The following ANKRD24 variants were observed in gnomAD, a reference collection of about 807,000 sequenced individuals.
ANKRD24 encodes ankyrin repeat domain-containing protein 24.
Under a neutral mutation model 127.8 loss-of-function variants are expected in ANKRD24, and 109 were observed. The ratio of observed to expected loss-of-function variants is 0.85; its 90% CI spans 0.73 to 1.00. ANKRD24 has a LOEUF of 1.00. ANKRD24 is among the 50% of genes least tolerant of loss of function. The probability of loss-of-function intolerance (pLI) is 0.00; values close to 1 mark genes in which losing one functional copy is unlikely to be tolerated. For missense variants in ANKRD24, 1,648 were observed against 1,570.2 expected (o/e 1.05, Z -0.84); for synonymous variants, 743 against 671.1 (o/e 1.11, Z -1.66).
At chr19:4,192,746 C>T (rs1968455653) in intron 2 of ANKRD24, among the ~76,000 whole-genome samples, 1 of 150,946 alleles carries the variant, frequency 6.6e-6, no homozygotes, top group Non-Finnish European at 1.5e-5. Context: ...GCCTGGGCAA[C>T]ATAGCAAGAC....
rs1219435596 is a variant in ANKRD24, at chr19:4,217,040, C to G, written c.1880C>G (p.Ala627Gly). 1.2e-6 allele frequency: 2 copies of G among 1,613,734 alleles called. No individual in the cohort carries two copies. The highest frequency in any genetic ancestry group is 2.7e-5 in the African/African-American group (2 of 74,888). ...GAAACTAAGCCCACAGGAGCTCAGGCCACAGACACAGAGACCACGGGAGTG... is the reference window on the plus strand; with the variant it reads ...GAAACTAAGCCCACAGGAGCTCAGGGCACAGACACAGAGACCACGGGAGTG... ...NMETKPTGAQ[A>G]TDTETTGVEA... The change falls in exon 18 of 22, where the codon GCC (alanine) becomes GGC (glycine). Residue 627 changes from alanine (A) to glycine (G), a missense_variant. Coordinates refer to ENST00000318934, the MANE Select transcript of ANKRD24 (RefSeq NM_001393985.1).
intron 5 of ANKRD24, 123 bp from the exon 6 acceptor site, chr19:4,201,903 A>G: frequency 2.5e-6 from 2 of 809,496 alleles, no homozygotes; most frequent in Admixed American, 4.2e-5. Flanking sequence ...AAGGAGAGAA[A>G]TACTAGGGTT....
chr19:4,209,063 G>T, intron 11 of ANKRD24: 1 of 406,944 alleles, frequency 2.5e-6, no homozygotes, highest in Non-Finnish European at 4.4e-6. Flanking sequence ...GAGGGTTGGT[G>T]TCTTCGGGGA....
chr19:4,208,881 A>C, intron 11 of ANKRD24, 80 bp downstream of exon 11: 1 of 1,477,604 alleles, frequency 6.8e-7, no homozygotes, highest in Admixed American at 1.9e-5. Flanking sequence ...CTCTGTGAGA[A>C]GAGAAGGAAG....
chr19:4,182,716 A>G lies in ANKRD24; in HGVS notation c.-61A>G. 1 of 1,408,062 alleles carries G rather than the reference A, an allele frequency of 7.1e-7. No homozygotes were observed. The highest frequency in any genetic ancestry group is 9.3e-7 in the Non-Finnish European group (1 of 1,079,368). The allele number at this position is 1,408,062 out of a possible 1,614,324, so 87.2% of individuals were successfully genotyped here. ...AGGCGACATGTTATCTGCTGTCAGA[A>G]GGAAGCCTGCCTCTTTGCATGCAGG... On this transcript the variant is annotated 5_prime_UTR_variant, in exon 1 of 22. Coordinates refer to ENST00000318934, the MANE Select transcript of ANKRD24 (RefSeq NM_001393985.1).
intron 10 of ANKRD24, 52 bp downstream of exon 10, chr19:4,208,020 A>T: frequency 7.1e-7 from 1 of 1,401,254 alleles, no homozygotes; most frequent in East Asian, 2.7e-5. Flanking sequence ...GCTTCTTGTC[A>T]CTCCCCTTCT....
Position 4,210,283 on chromosome 19 carries a change from G to T in ANKRD24, c.970G>T (p.Glu324Ter). The T allele has an allele frequency of 6.3e-7, 1 of 1,588,016 alleles. No individual in the cohort carries two copies. The part of the protein sequence containing the change: ...IPMPDDRDAY[E>*]EIVRLRQERG... ...GGAACAGGATGATCGAGATGCCTAT[G>T]AGGAGATCGTGAGGCTGCGGCAGGA... The change falls in exon 13 of 22, where the codon GAG becomes TAG. Residue 324 changes from glutamate to a stop codon, truncating the protein, a stop_gained. Transcript: ENST00000318934. LOFTEE classifies it high-confidence loss of function.
rs2145293561 is a variant in ANKRD24 at position 4,201,885 on chromosome 19, A to AG, written c.344-138dup. The AG allele has an allele frequency of 5.6e-6, 4 of 710,626 alleles. No homozygotes were observed. In the Admixed American group the frequency reaches 9.4e-5, roughly 17 times the overall value. The allele number at this position is 710,626 out of a possible 1,614,324, so 44.0% of individuals were successfully genotyped here. ...GGCCACAGAGCAAGATCCTTTCTGC[A>AG]GGGAAAAAAGGAGAGAAATACTAGG... On this transcript the variant is annotated intron_variant, in intron 5 of 21. Transcript: ENST00000318934.
rs1339431203 is a variant in ANKRD24 at position 4,198,293 on chromosome 19, C to T, written c.37-1390C>T. On this transcript the variant is annotated intron_variant, in intron 2 of 21. Transcript: ENST00000318934. The surrounding 1 kb of genome is among the most constrained non-coding windows in gnomAD (Gnocchi z 6.1). Reference sequence around the variant, plus strand: ...CTACCTGGGTCTTCCCATTCCATCCCGTGGGGGAGGGGGCTGGCGAGGAGG... The same window carrying T: ...CTACCTGGGTCTTCCCATTCCATCCTGTGGGGGAGGGGGCTGGCGAGGAGG... The T allele has an allele frequency of 1.8e-5, 3 of 163,062 alleles. No homozygotes were observed. Among genetic ancestry groups the T allele is most frequent in the Non-Finnish European group, 3.6e-5 (3 of 83,062 alleles). The allele number at this position is 163,062 out of a possible 1,614,324, so 10.1% of individuals were successfully genotyped here.
At chr19:4,197,157 AG>A (rs1284643610) in intron 2 of ANKRD24, among the ~76,000 whole-genome samples, 2 of 152,128 alleles carry the variant, frequency 1.3e-5, no homozygotes, top group Non-Finnish European at 2.9e-5. Flanking sequence ...AGTCCAAAAT[AG>A]GTAAGTCTGT....
At chr19:4,188,001 T>C (rs1262975044) in intron 2 of ANKRD24, among the ~76,000 whole-genome samples, 1 of 152,054 alleles carries the variant, frequency 6.6e-6, no homozygotes, top group Non-Finnish European at 1.5e-5. Context: ...GAGTGGGAGC[T>C]CAGGATCTTT....
At chr19:4,184,179 C>T (rs543820843) in intron 1 of ANKRD24, among the ~76,000 whole-genome samples, 104 of 152,308 alleles carry the variant, frequency 6.8e-4, no homozygotes, top group African/African-American at 2.3e-3. Flanking sequence ...CTGGGGCGGC[C>T]GCCTGCTCAG....
At chr19:4,183,288 T>C in intron 1 of ANKRD24, 2 of 985,528 alleles carry the variant, frequency 2.0e-6, no homozygotes, top group Non-Finnish European at 2.4e-6. Context: ...CCAAGTTATC[T>C]GAGTATCATC....
rs1472376254 is a variant in ANKRD24, at chr19:4,217,193, G to A, written c.2033G>A (p.Arg678Lys). The change falls in exon 18 of 22, where the codon AGG becomes AAG. Residue 678 changes from arginine (R) to lysine (K), a missense_variant. Transcript: ENST00000318934. ...ACAAACATGGAGGCCACGGGCTCTA[G>A]GGCCACAGGGATGGAATCCACAGGA... The part of the protein sequence containing the change: ...GTTNMEATGS[R>K]ATGMESTGVS... 1.2e-6 allele frequency: 2 copies of A among 1,609,744 alleles called. No individual in the cohort carries two copies. Among genetic ancestry groups the A allele is most frequent in the Non-Finnish European group, 8.5e-7 (1 of 1,177,564 alleles).
intron 11 of ANKRD24, among the ~76,000 whole-genome samples, chr19:4,209,684 C>G (rs1017722253): frequency 6.6e-6 from 1 of 151,922 alleles, no homozygotes; most frequent in Non-Finnish European, 1.5e-5. Flanking sequence ...AACTCCTGAC[C>G]TCAAGTGATC....
At chr19:4,192,006 C>A (rs1043973805) in intron 2 of ANKRD24, among the ~76,000 whole-genome samples, 1 of 150,438 alleles carries the variant, frequency 6.6e-6, no homozygotes, top group Admixed American at 6.6e-5. Context: ...CCAGGCTGGT[C>A]TCAAACTACT....
At position 4,212,715 on chromosome 19, in the gene ANKRD24, G is replaced by T. The variant is rs1459423637; in HGVS notation, c.1197+17G>T. The T allele has an allele frequency of 1.3e-6, 2 of 1,548,612 alleles. No homozygotes were observed. Among genetic ancestry groups the T allele is most frequent in the Non-Finnish European group, 1.7e-6 (2 of 1,145,782 alleles). ...CTGCTGGAGGTAGGAGCAGTGATGA[G>T]TCAGGGCTGGGCTGGGGCTGGGTCG... On this transcript the variant is annotated intron_variant, in intron 15 of 21. Coordinates refer to ENST00000318934, the MANE Select transcript of ANKRD24 (RefSeq NM_001393985.1).
Position 4,217,357 on chromosome 19 carries a change from G to C in ANKRD24, c.2197G>C (p.Glu733Gln). Residue 733 changes from glutamate (E) to glutamine (Q), a missense_variant, in exon 18 of 22, where the codon GAG becomes CAG. Glu to Gln is a conservative substitution (Grantham distance 29). Transcript: ENST00000318934. ...GCTGGAGACCAGGATCCGTGGCTTGGAGGAGGCTCTCCGGCAGCGGGAGCG... is the reference window on the plus strand; with the variant it reads ...GCTGGAGACCAGGATCCGTGGCTTGCAGGAGGCTCTCCGGCAGCGGGAGCG... ...VELETRIRGL[E>Q]EALRQREREA... The C allele has an allele frequency of 1.3e-6, 2 of 1,551,314 alleles. No individual in the cohort carries two copies. The highest frequency in any genetic ancestry group is 1.7e-6 in the Non-Finnish European group (2 of 1,147,010).
chr19:4,218,452 C>T (rs778917987), intron 18 of ANKRD24, among the ~76,000 whole-genome samples: 11 of 151,684 alleles, frequency 7.3e-5, no homozygotes, highest in African/African-American at 1.5e-4. Flanking sequence ...GGCACCTGCC[C>T]CCACGCCCAG....
Sources: gnomAD v4.1 joint callset for allele counts (sites outside exome capture counted in the v4.1 genomes callset) on GRCh38, gnomAD v4.1.1 for gene constraint, Gnocchi (gnomAD v3.1) non-coding constraint, MANE v1.5 for transcripts, NCBI Gene and HGNC (gene_info 2026-07-23, HGNC 2026-07-21) for gene names.